The following LYPD2 variants were observed in gnomAD, a reference collection of about 807,000 sequenced individuals.
LYPD2 encodes ly6/PLAUR domain-containing protein 2.
Under a neutral mutation model 7.1 loss-of-function variants are expected in LYPD2, and 5 were observed. The observed-to-expected ratio is 0.70, with a 90% CI of 0.37 to 1.48. The LOEUF (loss-of-function observed/expected upper bound fraction) is 1.48, where lower values mean the gene tolerates loss of function less well. Among genes scored for constraint, LYPD2 ranks in the 40% most tolerant of loss-of-function variants. The probability of loss-of-function intolerance (pLI) is 0.03; values close to 1 mark genes in which losing one functional copy is unlikely to be tolerated. For missense variants in LYPD2, 177 were observed against 171.0 expected (o/e 1.04, Z -0.20); for synonymous variants, 78 against 82.0 (o/e 0.95, Z 0.26).
rs139377093 is a variant in LYPD2, at chr8:142,750,276, G to A, written c.*7C>T. On this transcript the variant is annotated 3_prime_UTR_variant, in exon 3 of 3. Transcript: ENST00000359228. ...GCCGCATAGGGCCATGGGGGTGGGC[G>A]GGGACTCTACAGTCGGAGGCTCAAG... 164 of 1,550,052 alleles carry A rather than the reference G, an allele frequency of 1.1e-4. 1 individual carries two copies. The African/African-American group carries it at 1.5e-3, about 15-fold the overall frequency.
rs1814672476 is a variant in LYPD2 at position 142,750,224 on chromosome 8, G to A, written c.*59C>T. 1.4e-6 allele frequency: 2 copies of A among 1,436,318 alleles called. No homozygotes were observed. Among genetic ancestry groups the A allele is most frequent in the African/African-American group, 1.4e-5 (1 of 70,888 alleles). 89.0% of individuals were successfully genotyped at this position (1,436,318 alleles called of 1,614,324 possible). A position where few individuals can be genotyped will look rare whatever the true frequency, so the allele number is the denominator to read the frequency against. On this transcript the variant is annotated 3_prime_UTR_variant, in exon 3 of 3. Coordinates refer to ENST00000359228, the MANE Select transcript of LYPD2 (RefSeq NM_205545.3). ...AGACTCAGGAGTCCTGGTGCAGGGG[G>A]CACTTCTTCAAGGCATTCGGGGCTG...
chr8:142,752,268 G>T, intron 1 of LYPD2, 126 bp downstream of exon 1: 1 of 862,516 alleles, frequency 1.2e-6, no homozygotes, highest in East Asian at 3.2e-5. Flanking sequence ...CCACACCCCC[G>T]GCCCCACAGC....
rs1233521672 is a variant in LYPD2 at position 142,752,431 on chromosome 8, C to T, written c.21G>A (p.Ala7=). 15 of 1,613,422 alleles carry T rather than the reference C, an allele frequency of 9.3e-6. No homozygotes were observed. Among genetic ancestry groups the T allele is most frequent in the African/African-American group, 1.3e-5 (1 of 75,044 alleles). ...AGGCAGCCAGCACCAGCGCCAGGAG[C>T]GCCAGCCGCGTCCCCCGCATGGTCC... MRGTRL[A]LLALVLAACG... is the part of the protein sequence containing the mutation. The change falls in exon 1 of 3, where the codon GCG becomes GCA. Residue 7 remains alanine (A), a synonymous_variant. Transcript: ENST00000359228.
chr8:142,750,573 T>G, intron 2 of LYPD2, 91 bp from the exon 3 acceptor site: 1 of 1,281,532 alleles, frequency 7.8e-7, no homozygotes, highest in South Asian at 1.3e-5. Flanking sequence ...GGCCCCACTC[T>G]GGGGTCACCC....
In LYPD2 at chr8:142,751,230, T is replaced by C. The variant is rs200630444; in HGVS notation, c.59-60A>G. On this transcript the variant is annotated intron_variant, in intron 1 of 2. Coordinates refer to ENST00000359228, the MANE Select transcript of LYPD2 (RefSeq NM_205545.3). ...CCACCCCTCCCAAGCCCAGAGACAGTCTGTCCTGGAAGCCCAGGTCTGAAG... is the reference window on the plus strand; with the variant it reads ...CCACCCCTCCCAAGCCCAGAGACAGCCTGTCCTGGAAGCCCAGGTCTGAAG... 56 of 1,600,446 alleles carry C rather than the reference T, an allele frequency of 3.5e-5. No individual in the cohort carries two copies. The South Asian group carries it at 6.0e-4, about 17-fold the overall frequency.
rs1305287717 is a variant in LYPD2 at position 142,750,431 on chromosome 8, C to G, written c.230G>C (p.Cys77Ser). ...GATGCCATCCACATCCGAGGGCTTA[C>G]ACTTGCTGGCACAGGACTTGGTCAC... ...STVTKSCASK[C>S]KPSDVDGIGQ... Residue 77 changes from cysteine to serine, a missense_variant, in exon 3 of 3, where the codon TGT becomes TCT. Physicochemically the swap from Cys to Ser is moderately radical, Grantham distance 112 (BLOSUM62 -1). Transcript: ENST00000359228. 6.3e-7 allele frequency: 1 copy of G among 1,589,270 alleles called. No homozygotes were observed. Among genetic ancestry groups the G allele is most frequent in the Admixed American group, 1.8e-5 (1 of 56,780 alleles).
chr8:142,750,152 A>G lies in LYPD2; in HGVS notation c.*131T>C. On this transcript the variant is annotated 3_prime_UTR_variant, in exon 3 of 3. Transcript: ENST00000359228. ...GAGACAGACACACAGGAACGGGGAC[A>G]TCGACGAGGTCAGAGATGCAGCAGG... is the stretch of plus-strand genomic sequence containing the variant. 1 of 741,716 alleles carries G rather than the reference A, an allele frequency of 1.3e-6. No individual in the cohort carries two copies. Among genetic ancestry groups the G allele is most frequent in the Non-Finnish European group, 2.2e-6 (1 of 447,760 alleles). The allele number at this position is 741,716 out of a possible 1,614,324, so 45.9% of individuals were successfully genotyped here. A position where few individuals can be genotyped will look rare whatever the true frequency, so the allele number is the denominator to read the frequency against.
intron 2 of LYPD2, 137 bp from the exon 3 acceptor site, chr8:142,750,619 C>T (rs1468019103): frequency 1.2e-6 from 1 of 812,834 alleles, no homozygotes; most frequent in Non-Finnish European, 2.0e-6. Context: ...CAGTGCCCTC[C>T]TCTTCCTCTC....
chr8:142,752,121 C>T (rs756883458), intron 1 of LYPD2, among the ~76,000 whole-genome samples: 3 of 152,116 alleles, frequency 2.0e-5, no homozygotes, highest in Non-Finnish European at 1.5e-5. Flanking sequence ...GTGTGACACC[C>T]AGGCTGGTGC....
At chr8:142,751,695 G>T (rs1165377819) in intron 1 of LYPD2, among the ~76,000 whole-genome samples, 1 of 152,004 alleles carries the variant, frequency 6.6e-6, no homozygotes, top group Non-Finnish European at 1.5e-5. Flanking sequence ...GCAGGGACGG[G>T]GACCGGAGAG....
At chr8:142,750,685 G>T (rs1814683918) in intron 2 of LYPD2, among the ~76,000 whole-genome samples, 1 of 152,230 alleles carries the variant, frequency 6.6e-6, no homozygotes, top group Admixed American at 6.5e-5. Context: ...CGGCCTGATG[G>T]GGCAGTTCCC....
chr8:142,751,677 G>T (rs1814717396), intron 1 of LYPD2, among the ~76,000 whole-genome samples: 1 of 151,960 alleles, frequency 6.6e-6, no homozygotes, highest in Non-Finnish European at 1.5e-5. Context: ...ACAGGGACTT[G>T]CAGACCGGCA....
chr8:142,750,956 T>C (rs147998888), intron 2 of LYPD2, 95 bp downstream of exon 2: 2 of 1,577,394 alleles, frequency 1.3e-6, no homozygotes, highest in East Asian at 4.5e-5. Flanking sequence ...CCGCCTTCCG[T>C]GCTCACTGCC....
intron 2 of LYPD2, among the ~76,000 whole-genome samples, chr8:142,750,779 C>T (rs1814687773): frequency 6.6e-6 from 1 of 152,238 alleles, no homozygotes; most frequent in African/African-American, 2.4e-5. Flanking sequence ...AGATATGTTC[C>T]CACCGAAGGA....
At chr8:142,752,190 C>T (rs1204571688) in intron 1 of LYPD2, among the ~76,000 whole-genome samples, 4 of 152,112 alleles carry the variant, frequency 2.6e-5, no homozygotes, top group Non-Finnish European at 4.4e-5. Context: ...TGCTCACCCT[C>T]ATTAGGCGTC....
chr8:142,751,072 T>G lies in LYPD2; in HGVS notation c.157A>C (p.Thr53Pro). ...CTTNETMCKT[T>P]LYSREIVYPF... Reference sequence around the variant, plus strand: ...TGACCTATCTCCCGGGAGTAGAGTGTGGTCTTGCACATGGTTTCGTTGGTG... The same window carrying G: ...TGACCTATCTCCCGGGAGTAGAGTGGGGTCTTGCACATGGTTTCGTTGGTG... Residue 53 changes from threonine to proline, a missense_variant, in exon 2 of 3, where the codon ACA becomes CCA. Thr to Pro is a conservative substitution (Grantham distance 38). Coordinates refer to ENST00000359228, the MANE Select transcript of LYPD2 (RefSeq NM_205545.3). The G allele has an allele frequency of 1.2e-6, 2 of 1,614,164 alleles. No individual in the cohort carries two copies. Among genetic ancestry groups the G allele is most frequent in the Non-Finnish European group, 1.7e-6 (2 of 1,180,018 alleles).
rs750782659 is a variant in LYPD2 at position 142,750,422 on chromosome 8, G to A, written c.239C>T (p.Ser80Leu). 1.6e-5 allele frequency: 25 copies of A among 1,588,546 alleles called. No homozygotes were observed. Among genetic ancestry groups the A allele is most frequent in the East Asian group, 1.4e-4 (6 of 43,534 alleles). The part of the protein sequence containing the change: ...TKSCASKCKP[S>L]DVDGIGQTLP... The stretch of plus-strand genomic sequence containing the variant: ...GGTCTGGCCGATGCCATCCACATCC[G>A]AGGGCTTACACTTGCTGGCACAGGA... Residue 80 changes from serine to leucine, a missense_variant, in exon 3 of 3, where the codon TCG (serine) becomes TTG (leucine). Ser to Leu is a moderately radical substitution (Grantham distance 145). Transcript: ENST00000359228.
In LYPD2 at chr8:142,750,425, G is replaced by T; in HGVS notation, c.236C>A (p.Pro79His). Residue 79 changes from proline (P) to histidine (H), a missense_variant, in exon 3 of 3, where the codon CCC (proline) becomes CAC (histidine). Physicochemically the swap from Pro to His is moderately conservative, Grantham distance 77. Transcript: ENST00000359228. Reference sequence around the variant, plus strand: ...CTGGCCGATGCCATCCACATCCGAGGGCTTACACTTGCTGGCACAGGACTT... The same window carrying T: ...CTGGCCGATGCCATCCACATCCGAGTGCTTACACTTGCTGGCACAGGACTT... Reference protein sequence around the residue: ...VTKSCASKCKPSDVDGIGQTL... With the variant: ...VTKSCASKCKHSDVDGIGQTL... 1 of 1,589,122 alleles carries T rather than the reference G, an allele frequency of 6.3e-7. No individual in the cohort carries two copies.
Position 142,751,149 on chromosome 8 carries a change from A to G in LYPD2, c.80T>C (p.Val27Ala), listed in dbSNP as rs587735980. 8.7e-6 allele frequency: 14 copies of G among 1,614,090 alleles called. No homozygotes were observed. The South Asian group carries it at 1.4e-4, about 16-fold the overall frequency. Residue 27 changes from valine (V) to alanine (A), a missense_variant, in exon 2 of 3, where the codon GTC becomes GCC. Val to Ala is a moderately conservative substitution (Grantham distance 64). Transcript: ENST00000359228. Reference protein sequence around the residue: ...GELAPALRCYVCPEPTGVSDC... With the variant: ...GELAPALRCYACPEPTGVSDC... ...CGACACTCCTGTGGGCTCCGGACAG[A>G]CGTAGCAGCGCAGGGCCGGCGCTGG...
Sources: allele counts gnomAD v4.1 joint callset (sites outside exome capture counted in the v4.1 genomes callset), GRCh38; gene constraint gnomAD v4.1.1; transcripts MANE v1.5; gene names NCBI Gene and HGNC (gene_info 2026-07-23, HGNC 2026-07-21).